The following USP28 variants were observed in gnomAD, a reference collection of about 807,000 sequenced individuals.
The protein encoded by USP28 is ubiquitin specific peptidase 28, also known as ubiquitin carboxyl-terminal hydrolase 28.
A neutral mutation model predicts 145.0 loss-of-function variants in USP28; 113 were observed. The ratio of observed to expected loss-of-function variants is 0.78; its 90% CI spans 0.67 to 0.91. USP28 has a LOEUF of 0.91. Among genes scored for constraint, USP28 ranks in the 40% least tolerant of loss-of-function variants. The pLI, the probability that USP28 is intolerant of heterozygous loss-of-function variation, is 0.00. For missense variants in USP28, 1,201 were observed against 1,289.6 expected (o/e 0.93, Z 1.05); for synonymous variants, 447 against 450.9 (o/e 0.99, Z 0.11).
intron 16 of USP28, among the ~76,000 whole-genome samples, chr11:113,811,435 C>T (rs1940964457): frequency 6.6e-6 from 1 of 152,202 alleles, no homozygotes; most frequent in Non-Finnish European, 1.5e-5. Context: ...CAACTGTAAT[C>T]CCAGCACTTT....
intron 15 of USP28, among the ~76,000 whole-genome samples, chr11:113,812,953 T>A (rs1941218598): frequency 1.3e-5 from 2 of 152,246 alleles, no homozygotes; most frequent in South Asian, 4.1e-4. Flanking sequence ...TTCAGCCACA[T>A]GCTTCTTAGA....
chr11:113,851,964 G>A (rs778383212), intron 3 of USP28, among the ~76,000 whole-genome samples: 1 of 152,172 alleles, frequency 6.6e-6, no homozygotes, highest in Non-Finnish European at 1.5e-5. Flanking sequence ...GGCTTCAAGA[G>A]TGCTTGGCAC....
At chr11:113,817,732 A>G (rs745805460) in exon 13 of USP28, 2 of 1,614,242 alleles carry the variant, frequency 1.2e-6, no homozygotes, top group Admixed American at 3.3e-5. Context: ...TGTCACTTTC[A>G]GGTGGACAGC....
chr11:113,817,033 T>C (rs1238645333), intron 13 of USP28, among the ~76,000 whole-genome samples: 2 of 152,134 alleles, frequency 1.3e-5, no homozygotes, highest in Non-Finnish European at 2.9e-5. Context: ...AGTCTAACTT[T>C]TTATTGAGTA....
chr11:113,869,452 G>A (rs965180849), intron 1 of USP28, among the ~76,000 whole-genome samples: 2 of 151,980 alleles, frequency 1.3e-5, no homozygotes, highest in African/African-American at 4.8e-5. Flanking sequence ...AACAAAAGTA[G>A]CCAGGTGTGG....
chr11:113,856,682 T>C (rs987302852), intron 1 of USP28, among the ~76,000 whole-genome samples: 4 of 152,068 alleles, frequency 2.6e-5, no homozygotes, highest in African/African-American at 4.8e-5. Context: ...AAAACGCAAA[T>C]ATCTTATTCT....
rs1945142876 is a variant in USP28 at position 113,841,059 on chromosome 11, ACTAT to A, written c.375-306_375-303del. Among the ~76,000 whole-genome samples the A allele has an allele frequency of 1.3e-5, 2 of 152,322 alleles. 1 individual carries two copies. On this transcript the variant is annotated intron_variant, in intron 4 of 24. Transcript: ENST00000003302. ...GAAATTTTAGATTTCAACACAGTGT[ACTAT>A]CTAAGACCTCACCATCGAATAGGGC...
At chr11:113,862,326 G>A (rs1384855965) in intron 1 of USP28, among the ~76,000 whole-genome samples, 3 of 152,174 alleles carry the variant, frequency 2.0e-5, no homozygotes, top group African/African-American at 7.2e-5. Context: ...CAGCCTGGGC[G>A]ACAAGAGCAA....
At chr11:113,821,057 A>G in intron 12 of USP28, 1 of 233,470 alleles carries the variant, frequency 4.3e-6, no homozygotes, top group African/African-American at 2.3e-5. Context: ...GGGGAGGAGA[A>G]GGGGGATATG....
intron 12 of USP28, among the ~76,000 whole-genome samples, chr11:113,818,893 A>C (rs1430629433): frequency 6.6e-6 from 1 of 151,764 alleles, no homozygotes; most frequent in Non-Finnish European, 1.5e-5. Context: ...AAAAAAAAAA[A>C]AACAAAGAAG....
exon 20 of USP28, chr11:113,804,981 A>G (rs373280942): frequency 1.5e-4 from 243 of 1,614,154 alleles, no homozygotes; most frequent in Middle Eastern, 9.9e-4. Flanking sequence ...GAAGTCGAGG[A>G]TCACTGTGAG....
exon 22 of USP28, chr11:113,803,852 A>G: frequency 6.2e-7 from 1 of 1,614,014 alleles, no homozygotes; most frequent in Non-Finnish European, 8.5e-7. Flanking sequence ...CACTTTTCGG[A>G]ACAAACTATA....
At chr11:113,807,459 T>C (rs1940204115) in intron 18 of USP28, among the ~76,000 whole-genome samples, 1 of 152,150 alleles carries the variant, frequency 6.6e-6, no homozygotes, top group Non-Finnish European at 1.5e-5. Flanking sequence ...TTATGTGCAG[T>C]GCAACTGAAG....
At chr11:113,808,309 C>T in exon 18 of USP28, 1 of 1,612,918 alleles carries the variant, frequency 6.2e-7, no homozygotes, top group Non-Finnish European at 8.5e-7. Flanking sequence ...TCACTCAGTG[C>T]CGCTTCTACA....
At chr11:113,853,417 G>T (rs1291980475) in intron 2 of USP28, among the ~76,000 whole-genome samples, 3 of 151,474 alleles carry the variant, frequency 2.0e-5, no homozygotes, top group Non-Finnish European at 4.4e-5. Flanking sequence ...CCAGGAAAGG[G>T]AATAACAGAA....
chr11:113,837,145 T>C (rs1191928322), intron 5 of USP28, among the ~76,000 whole-genome samples: 1 of 152,198 alleles, frequency 6.6e-6, no homozygotes, highest in Non-Finnish European at 1.5e-5. Flanking sequence ...GTCTAATGTA[T>C]TATACACATT....
chr11:113,849,317 G>T (rs1172389920), intron 3 of USP28, among the ~76,000 whole-genome samples: 1 of 152,224 alleles, frequency 6.6e-6, no homozygotes, highest in Non-Finnish European at 1.5e-5. Flanking sequence ...TTGGTTTGCA[G>T]ATGGCAGTTC....
At chr11:113,823,695 A>C in exon 12 of USP28, 1 of 1,604,082 alleles carries the variant, frequency 6.2e-7, no homozygotes. Context: ...GCTCCTGTAC[A>C]TGTACCTAAG....
At chr11:113,860,060 C>T (rs1947489966) in intron 1 of USP28, among the ~76,000 whole-genome samples, 1 of 152,200 alleles carries the variant, frequency 6.6e-6, no homozygotes, top group Non-Finnish European at 1.5e-5. Context: ...TATTCAGACA[C>T]TAAAAACCTT....
Sources: gnomAD v4.1 joint callset for allele counts (sites outside exome capture counted in the v4.1 genomes callset) on GRCh38, gnomAD v4.1.1 for gene constraint, MANE v1.5 for transcripts, NCBI Gene and HGNC (gene_info 2026-07-23, HGNC 2026-07-21) for gene names.